MRPS28: variants seen among roughly 807,000 people sequenced by gnomAD.
The protein encoded by MRPS28 is mitochondrial ribosomal protein S28.
In MRPS28, 7 loss-of-function variants were observed where a neutral mutation model predicts 10.8. That is an observed-to-expected ratio of 0.65 (90% CI 0.37 to 1.22). The LOEUF (loss-of-function observed/expected upper bound fraction) is 1.22. Ranked by LOEUF, MRPS28 falls within the 50% of genes most tolerant of loss-of-function variation. MRPS28 has a pLI of 0.02. For missense variants in MRPS28, 265 were observed against 232.9 expected, an observed-to-expected ratio of 1.14 and a Z score of -0.90; for synonymous variants, 121 against 93.3, an observed-to-expected ratio of 1.30 and a Z score of -1.71.
chr8:80,004,284 G>A (rs1006899792), intron 1 of MRPS28, among the ~76,000 whole-genome samples: 1 of 152,178 alleles, frequency 6.6e-6, no homozygotes, highest in Non-Finnish European at 1.5e-5. Flanking sequence ...CCTCTGAGAC[G>A]AAGCTTCCAG....
intron 2 of MRPS28, among the ~76,000 whole-genome samples, chr8:79,934,465 G>A (rs940133659): frequency 6.6e-6 from 1 of 152,132 alleles, no homozygotes; most frequent in Non-Finnish European, 1.5e-5. Context: ...AGACAGGAGG[G>A]ACGAACTAAA....
intron 2 of MRPS28, among the ~76,000 whole-genome samples, chr8:79,934,414 A>G (rs1311145072): frequency 6.6e-6 from 1 of 152,212 alleles, no homozygotes; most frequent in Non-Finnish European, 1.5e-5. Context: ...AGCAATTAAA[A>G]GGCCATAAAA....
intron 2 of MRPS28, among the ~76,000 whole-genome samples, chr8:79,988,479 T>G (rs7829182): frequency 0.68 from 102,461 of 150,922 alleles, 35,103 homozygotes; most frequent in East Asian, 0.85. Flanking sequence ...GAAACCTAAC[T>G]GTGATATATT....
At chr8:79,954,815 T>C (rs374224304) in intron 2 of MRPS28, among the ~76,000 whole-genome samples, 3 of 152,254 alleles carry the variant, frequency 2.0e-5, no homozygotes, top group Admixed American at 6.5e-5. Flanking sequence ...TATCTTGAAA[T>C]ATGCAGTGGA....
rs775400417 is a variant in MRPS28, at chr8:80,030,124, G to C, written c.125C>G (p.Ala42Gly). 6.2e-7 allele frequency: 1 copy of C among 1,613,166 alleles called. No homozygotes were observed. Among genetic ancestry groups the C allele is most frequent in the Non-Finnish European group, 8.5e-7 (1 of 1,180,018 alleles). ...ESGSESGSSN[A>G]KEPKTRAGGF... ...GCCTGCGCGCGTCTTAGGCTCCTTG[G>C]CATTGGAACTACCACTTTCGGATCC... Residue 42 changes from alanine (A) to glycine (G), a missense_variant, in exon 1 of 3, where the codon GCC becomes GGC. By Grantham distance (60) the Ala-to-Gly change is moderately conservative. Coordinates refer to ENST00000276585, the MANE Select transcript of MRPS28 (RefSeq NM_014018.3).
At chr8:80,000,058 T>C (rs905599873) in intron 2 of MRPS28, among the ~76,000 whole-genome samples, 19 of 152,200 alleles carry the variant, frequency 1.2e-4, no homozygotes, top group African/African-American at 4.3e-4. Flanking sequence ...CCTTCCCCCA[T>C]TTGCATATGC....
intron 2 of MRPS28, among the ~76,000 whole-genome samples, chr8:79,983,389 A>G (rs2130087192): frequency 1.3e-5 from 2 of 152,228 alleles, no homozygotes; most frequent in South Asian, 4.1e-4. Context: ...AAAGGAACGC[A>G]GCTCCTCACC....
chr8:79,952,664 C>G (rs1807107725), intron 2 of MRPS28, among the ~76,000 whole-genome samples: 1 of 152,082 alleles, frequency 6.6e-6, no homozygotes, highest in Non-Finnish European at 1.5e-5. Flanking sequence ...GGAAAGAGTC[C>G]CACGCCATCA....
intron 2 of MRPS28, among the ~76,000 whole-genome samples, chr8:79,949,410 T>C (rs868584727): frequency 1.4e-4 from 20 of 145,456 alleles, no homozygotes. Context: ...TGAGACTCCG[T>C]CTCAAAAAAA....
At chr8:80,020,104 G>A (rs911832117) in intron 1 of MRPS28, among the ~76,000 whole-genome samples, 2 of 152,194 alleles carry the variant, frequency 1.3e-5, no homozygotes, top group Non-Finnish European at 2.9e-5. Flanking sequence ...CAGGTCATAG[G>A]TAGATTTAAA....
Position 80,010,403 on chromosome 8 carries a change from A to G in MRPS28, c.214-7223T>C, listed in dbSNP as rs150960548. On this transcript the variant is annotated intron_variant, in intron 1 of 2. Transcript: ENST00000276585. ...CATTTACTTTTAAAGCTACACAACT[A>G]TATTTGTGACTTAAGTTTAATGCAT... Among the ~76,000 whole-genome samples, 973 of 152,316 alleles carry G rather than the reference A, an allele frequency of 6.4e-3. 9 individuals are homozygous for G. The highest frequency in any genetic ancestry group is 0.022 in the African/African-American group (910 of 41,570).
chr8:80,023,033 A>G (rs1374032497), intron 1 of MRPS28, among the ~76,000 whole-genome samples: 1 of 152,218 alleles, frequency 6.6e-6, no homozygotes, highest in Non-Finnish European at 1.5e-5. Context: ...ACAAAAACCT[A>G]CTTTCCCCAG....
intron 1 of MRPS28, among the ~76,000 whole-genome samples, chr8:80,003,748 T>C (rs1040651756): frequency 6.6e-6 from 1 of 152,152 alleles, no homozygotes; most frequent in Non-Finnish European, 1.5e-5. Context: ...CAAGGGAAGC[T>C]GTGACAGACG....
intron 2 of MRPS28, among the ~76,000 whole-genome samples, chr8:79,999,161 T>C (rs1808588617): frequency 6.6e-6 from 1 of 152,240 alleles, no homozygotes; most frequent in African/African-American, 2.4e-5. Flanking sequence ...TCTGCTATTA[T>C]GGAGATTCAG....
At chr8:79,978,918 A>G (rs967895323) in intron 2 of MRPS28, among the ~76,000 whole-genome samples, 1 of 152,200 alleles carries the variant, frequency 6.6e-6, no homozygotes, top group African/African-American at 2.4e-5. Flanking sequence ...TTGAAAGTTG[A>G]AAAGTGTTAT....
At chr8:80,018,400 T>C (rs1355639849) in intron 1 of MRPS28, among the ~76,000 whole-genome samples, 2 of 151,464 alleles carry the variant, frequency 1.3e-5, no homozygotes, top group Non-Finnish European at 1.5e-5. Context: ...AACATCATTA[T>C]CATCAGAGAA....
intron 1 of MRPS28, among the ~76,000 whole-genome samples, chr8:80,027,843 T>G (rs904862663): frequency 2.6e-5 from 4 of 152,212 alleles, no homozygotes; most frequent in African/African-American, 7.2e-5. Context: ...CAAACACATT[T>G]ACCCATCATC....
At chr8:79,982,131 C>A (rs1278579151) in intron 2 of MRPS28, among the ~76,000 whole-genome samples, 1 of 152,066 alleles carries the variant, frequency 6.6e-6, no homozygotes, top group Non-Finnish European at 1.5e-5. Flanking sequence ...CCTGTAATCC[C>A]AGCTACTCAG....
intron 2 of MRPS28, among the ~76,000 whole-genome samples, chr8:79,986,689 A>G (rs938284426): frequency 5.9e-5 from 9 of 151,810 alleles, no homozygotes; most frequent in Non-Finnish European, 7.4e-5. Context: ...CTTCAAAGAG[A>G]ATAAAATACC....
Sources: allele counts gnomAD v4.1 joint callset (sites outside exome capture counted in the v4.1 genomes callset), GRCh38; gene constraint gnomAD v4.1.1; transcripts MANE v1.5; gene names NCBI Gene and HGNC (gene_info 2026-07-23, HGNC 2026-07-21).